ROBO1: variants seen among roughly 807,000 people sequenced by gnomAD.
ROBO1 encodes roundabout homolog 1.
A neutral mutation model predicts 195.9 loss-of-function variants in ROBO1; 149 were observed. That is an observed-to-expected ratio of 0.76 (90% CI 0.67 to 0.87). ROBO1 has a LOEUF of 0.87. Ranked by LOEUF, ROBO1 falls within the 40% of genes least tolerant of loss-of-function variation. The pLI is 0.00. For missense variants in ROBO1, 1,933 were observed against 2,068.3 expected, an observed-to-expected ratio of 0.93 and a Z score of 1.27; for synonymous variants, 816 against 733.2, an observed-to-expected ratio of 1.11 and a Z score of -1.82.
At chr3:79,179,221 C>CA (rs1185136682) in intron 2 of ROBO1, among the ~76,000 whole-genome samples, 5 of 152,084 alleles carry the variant, frequency 3.3e-5, no homozygotes, top group African/African-American at 2.4e-5. Context: ...AAGAATTGTT[C>CA]AATGTTACAG....
At chr3:79,235,950 TTGTTGTTCTATTTTGACAGTTATCACAGA>T (rs1212967291) in intron 2 of ROBO1, among the ~76,000 whole-genome samples, 3 of 152,122 alleles carry the variant, frequency 2.0e-5, no homozygotes, top group Non-Finnish European at 2.9e-5. Context: ...ATATAGCATA[TTGTTGTTCTATTTTGACAGTTATCACAGA>T]TACGTCCCTT....
At chr3:79,364,263 C>T (rs7430632) in intron 2 of ROBO1, among the ~76,000 whole-genome samples, 28 of 146,728 alleles carry the variant, frequency 1.9e-4, no homozygotes, top group Admixed American at 1.6e-3. Context: ...CATATATATA[C>T]ACACACACAT....
chr3:78,788,440 TAAAAAA>T (rs35773751), intron 4 of ROBO1, among the ~76,000 whole-genome samples: 3 of 75,756 alleles, frequency 4.0e-5, no homozygotes, highest in African/African-American at 1.0e-4. Context: ...TTTTTTTTTT[TAAAAAA>T]AAAAAAAAAA....
intron 1 of ROBO1, among the ~76,000 whole-genome samples, chr3:79,616,405 C>A (rs1334996556): frequency 6.6e-6 from 1 of 152,044 alleles, no homozygotes; most frequent in African/African-American, 2.4e-5. Flanking sequence ...ATGACTGGGA[C>A]AACCATAGGA....
At chr3:79,506,159 G>A (rs975123014) in intron 2 of ROBO1, among the ~76,000 whole-genome samples, 1 of 151,714 alleles carries the variant, frequency 6.6e-6, no homozygotes, top group African/African-American at 2.4e-5. Context: ...TTTTAATATG[G>A]CAAGTGTTTT....
intron 3 of ROBO1, among the ~76,000 whole-genome samples, chr3:78,967,239 T>C (rs796440799): frequency 1.3e-5 from 2 of 152,166 alleles, no homozygotes; most frequent in South Asian, 4.2e-4. Flanking sequence ...GCAAGGGAAA[T>C]ATAAGGACAT....
At chr3:79,492,466 T>A (rs1177052127) in intron 2 of ROBO1, among the ~76,000 whole-genome samples, 19 of 147,742 alleles carry the variant, frequency 1.3e-4, no homozygotes, top group African/African-American at 4.2e-4. Context: ...GAGTTTAATA[T>A]AGAATTATAT....
At chr3:78,810,448 T>C (rs2084701080) in intron 4 of ROBO1, among the ~76,000 whole-genome samples, 1 of 152,108 alleles carries the variant, frequency 6.6e-6, no homozygotes, top group Non-Finnish European at 1.5e-5. Context: ...TAGAAACTGA[T>C]GGAGGGTGGT....
At chr3:78,798,259 C>G (rs1192327569) in intron 4 of ROBO1, among the ~76,000 whole-genome samples, 3 of 152,124 alleles carry the variant, frequency 2.0e-5, no homozygotes, top group African/African-American at 4.8e-5. Context: ...GGAAAACATA[C>G]TACTGTAGCA....
rs1416141545 is a variant in ROBO1 at position 79,575,168 on chromosome 3, T to TATATAAATATATATAAC, written c.88+14639_88+14655dup. ...TATATAAATATATATATAACAAATA[T>TATATAAATATATATAAC]ATATAAATATATATAACATATATAT... On this transcript the variant is annotated intron_variant, in intron 2 of 30. Coordinates refer to ENST00000464233, the MANE Select transcript of ROBO1 (RefSeq NM_002941.4). Among the ~76,000 whole-genome samples, 29 of 120,768 alleles carry TATATAAATATATATAAC rather than the reference T, an allele frequency of 2.4e-4. No homozygotes were observed. The East Asian group carries it at 5.7e-3, about 24-fold the overall frequency. 79.2% of individuals were successfully genotyped at this position (120,768 alleles called of 152,430 possible).
At chr3:79,112,776 G>C (rs7623414) in intron 3 of ROBO1, among the ~76,000 whole-genome samples, 5 of 150,084 alleles carry the variant, frequency 3.3e-5, no homozygotes, top group South Asian at 2.1e-4. Flanking sequence ...GGTGCGGGGA[G>C]GGGGGAGGGA....
At chr3:78,995,129 C>T (rs1464531893) in intron 3 of ROBO1, among the ~76,000 whole-genome samples, 1 of 152,166 alleles carries the variant, frequency 6.6e-6, no homozygotes, top group Non-Finnish European at 1.5e-5. Flanking sequence ...CCATCTGTAA[C>T]TGAACAAAGA....
intron 2 of ROBO1, among the ~76,000 whole-genome samples, chr3:79,288,645 A>T (rs1192489374): frequency 6.6e-6 from 1 of 152,190 alleles, no homozygotes. Flanking sequence ...CCTTACATTC[A>T]AAACCTCTGT....
chr3:79,667,668 A>C (rs780660474), intron 1 of ROBO1, among the ~76,000 whole-genome samples: 8 of 151,808 alleles, frequency 5.3e-5, no homozygotes, highest in Admixed American at 1.3e-4. Context: ...TGATATAATT[A>C]AAGGATGTGG....
chr3:78,974,724 A>T (rs1036245551), intron 3 of ROBO1, among the ~76,000 whole-genome samples: 7 of 152,166 alleles, frequency 4.6e-5, no homozygotes, highest in African/African-American at 1.7e-4. Context: ...TTTTCTATCC[A>T]AGTCCCTCTG....
intron 2 of ROBO1, among the ~76,000 whole-genome samples, chr3:79,315,105 T>C (rs76497562): frequency 0.017 from 2,565 of 152,182 alleles, 46 homozygotes; most frequent in Non-Finnish European, 0.021. Flanking sequence ...AGTTACAGTG[T>C]GGTTTTGAAC....
At chr3:79,313,099 A>G (rs1349940457) in intron 2 of ROBO1, among the ~76,000 whole-genome samples, 3 of 151,320 alleles carry the variant, frequency 2.0e-5, no homozygotes, top group Admixed American at 1.3e-4. Flanking sequence ...AGGCAGGAGA[A>G]TGGTGTGAAC....
At chr3:79,122,164 G>A (rs1013968202) in intron 3 of ROBO1, among the ~76,000 whole-genome samples, 1 of 151,924 alleles carries the variant, frequency 6.6e-6, no homozygotes, top group Non-Finnish European at 1.5e-5. Flanking sequence ...ACCCAATAAA[G>A]TGCTGATTTG....
chr3:79,105,210 G>A (rs1357000568), intron 3 of ROBO1, among the ~76,000 whole-genome samples: 4 of 151,628 alleles, frequency 2.6e-5, no homozygotes, highest in Non-Finnish European at 5.9e-5. Context: ...ACTACTAACG[G>A]AAAAAGATAG....
Sources: gnomAD v4.1 joint callset for allele counts (sites outside exome capture counted in the v4.1 genomes callset) on GRCh38, gnomAD v4.1.1 for gene constraint, MANE v1.5 for transcripts, NCBI Gene and HGNC (gene_info 2026-07-23, HGNC 2026-07-21) for gene names.